The following PRKAR1B variants were observed in gnomAD, a reference collection of about 807,000 sequenced individuals.
PRKAR1B encodes the protein cAMP-dependent protein kinase type I-beta regulatory subunit.
In PRKAR1B, 22 loss-of-function variants were observed where a neutral mutation model predicts 46.5. The observed-to-expected ratio is 0.47, with a 90% CI of 0.34 to 0.68. PRKAR1B has a LOEUF of 0.68. Ranked by LOEUF, PRKAR1B falls within the 30% of genes least tolerant of loss-of-function variation. PRKAR1B has a pLI of 0.01. For synonymous variants in PRKAR1B, 259 were observed against 217.7 expected, an observed-to-expected ratio of 1.19 and a Z score of -1.67; for missense variants, 445 against 535.6, an observed-to-expected ratio of 0.83 and a Z score of 1.67.
At chr7:557,940 T>C (rs1778546539) in intron 9 of PRKAR1B, among the ~76,000 whole-genome samples, 1 of 152,134 alleles carries the variant, frequency 6.6e-6, no homozygotes, top group African/African-American at 2.4e-5. Flanking sequence ...CCGCAGAACG[T>C]CCTGCCCTGG....
intron 4 of PRKAR1B, among the ~76,000 whole-genome samples, chr7:651,717 G>T (rs1401748016): frequency 2.4e-5 from 3 of 123,938 alleles, no homozygotes; most frequent in South Asian, 2.8e-4. Flanking sequence ...AACCCCTCTC[G>T]GAAGACAGTT....
At chr7:708,774 A>T (rs1351149132) in intron 2 of PRKAR1B, among the ~76,000 whole-genome samples, 1 of 148,410 alleles carries the variant, frequency 6.7e-6, no homozygotes, top group Non-Finnish European at 1.5e-5. Flanking sequence ...GGCATGAGTC[A>T]CTGTGCCCGG....
intron 2 of PRKAR1B, chr7:691,801 G>A (rs753360179): frequency 2.1e-5 from 25 of 1,188,792 alleles, no homozygotes; most frequent in South Asian, 4.6e-5. Context: ...TGCGGAGGAC[G>A]GCGCATCCCC....
intron 1 of PRKAR1B, among the ~76,000 whole-genome samples, chr7:724,044 C>T (rs1781165784): frequency 6.6e-6 from 1 of 152,156 alleles, no homozygotes; most frequent in African/African-American, 2.4e-5. Context: ...CCTCATCTCA[C>T]CTCAATCACG....
chr7:594,814 G>C (rs1329230102), intron 7 of PRKAR1B, among the ~76,000 whole-genome samples: 1 of 151,944 alleles, frequency 6.6e-6, no homozygotes, highest in Admixed American at 6.6e-5. Flanking sequence ...CCAAGACCAT[G>C]AGGGGATCCC....
intron 7 of PRKAR1B, among the ~76,000 whole-genome samples, chr7:591,884 G>A (rs544633709): frequency 6.6e-6 from 1 of 152,258 alleles, no homozygotes; most frequent in South Asian, 2.1e-4. Context: ...CACCCCCAAA[G>A]TCGTGAGGTG....
intron 9 of PRKAR1B, among the ~76,000 whole-genome samples, chr7:578,405 A>G (rs1490432487): frequency 6.6e-6 from 1 of 152,210 alleles, no homozygotes; most frequent in Non-Finnish European, 1.5e-5. Flanking sequence ...AATGACTCAC[A>G]CACACATCCA....
intron 2 of PRKAR1B, among the ~76,000 whole-genome samples, chr7:684,319 T>C (rs1030383375): frequency 6.6e-6 from 1 of 152,226 alleles, no homozygotes; most frequent in Non-Finnish European, 1.5e-5. Context: ...TATGCGATCA[T>C]TTAAATATAT....
chr7:694,309 C>G (rs879611120), intron 2 of PRKAR1B, among the ~76,000 whole-genome samples: 1 of 151,922 alleles, frequency 6.6e-6, no homozygotes, highest in South Asian at 2.1e-4. Flanking sequence ...ACAGTGAGAC[C>G]CGGACTTGGG....
At chr7:604,167 T>G (rs990574642) in intron 6 of PRKAR1B, among the ~76,000 whole-genome samples, 1 of 152,312 alleles carries the variant, frequency 6.6e-6, no homozygotes, top group South Asian at 2.1e-4. Flanking sequence ...CGGGGCCACC[T>G]CCTGGGACGG....
At chr7:645,263 G>C (rs1270616795) in intron 4 of PRKAR1B, among the ~76,000 whole-genome samples, 1 of 152,174 alleles carries the variant, frequency 6.6e-6, no homozygotes, top group Non-Finnish European at 1.5e-5. Context: ...GCGGCAGGAG[G>C]GATCCAGGTA....
intron 2 of PRKAR1B, among the ~76,000 whole-genome samples, chr7:705,764 C>T (rs1426352088): frequency 6.6e-6 from 1 of 152,148 alleles, no homozygotes; most frequent in East Asian, 1.9e-4. Flanking sequence ...CTGTGGCTCA[C>T]GTCTCTAATC....
At chr7:693,079 C>T (rs909409459) in intron 2 of PRKAR1B, among the ~76,000 whole-genome samples, 12 of 151,802 alleles carry the variant, frequency 7.9e-5, no homozygotes, top group Non-Finnish European at 1.3e-4. Flanking sequence ...GGACCACAGG[C>T]GCCCACCACC....
rs952581517 is a variant in PRKAR1B, at chr7:551,438, G to A, written c.924C>T (p.Pro308=). ...GCCCCACCTCCACGTACTCCTCATT[G>A]GGGGACCGGCGCTGCAGCACGGACG... ...GTASVLQRRS[P]NEEYVEVGRL... is the part of the protein sequence containing the mutation. Residue 308 remains proline (P), a synonymous_variant, in exon 10 of 11, where the codon CCC becomes CCT. Transcript: ENST00000537384. 1 of 1,560,194 alleles carries A rather than the reference G, an allele frequency of 6.4e-7. No individual in the cohort carries two copies. The highest frequency in any genetic ancestry group is 8.7e-7 in the Non-Finnish European group (1 of 1,151,866).
chr7:550,098 C>G lies in PRKAR1B; in HGVS notation c.*332G>C, dbSNP rs574771485. 1.2e-5 allele frequency: 4 copies of G among 333,532 alleles called. No individual in the cohort carries two copies. Among genetic ancestry groups the G allele is most frequent in the Admixed American group, 4.6e-5 (1 of 21,836 alleles). 20.7% of individuals were successfully genotyped at this position (333,532 alleles called of 1,614,324 possible). Reference sequence around the variant, plus strand: ...GTCCTGGCCTGGTTCTGGGGAGGACCGATCCTCAAGCATCTCCAGGAGACT... The same window carrying G: ...GTCCTGGCCTGGTTCTGGGGAGGACGGATCCTCAAGCATCTCCAGGAGACT... On this transcript the variant is annotated 3_prime_UTR_variant, in exon 11 of 11. Coordinates refer to ENST00000537384, the MANE Select transcript of PRKAR1B (RefSeq NM_001164760.2).
rs1198245249 is a variant in PRKAR1B at position 644,766 on chromosome 7, A to C, written c.440+32463T>G. Among the ~76,000 whole-genome samples, 1 of 151,384 alleles carries C rather than the reference A, an allele frequency of 6.6e-6. No homozygotes were observed. The highest frequency in any genetic ancestry group is 6.6e-5 in the Admixed American group (1 of 15,192). ...CCCAGAGGGCAGGCACCAGGGCCAG[A>C]CCCTTCCCCCAGACACCTCCCATAG... On this transcript the variant is annotated intron_variant, in intron 4 of 10. Transcript: ENST00000537384. The surrounding 1 kb of genome is among the most constrained non-coding windows in gnomAD (Gnocchi z 4.9).
chr7:595,328 C>T (rs1375914787), intron 7 of PRKAR1B, among the ~76,000 whole-genome samples: 1 of 146,294 alleles, frequency 6.8e-6, no homozygotes. Flanking sequence ...GAACAGCAGT[C>T]CCCCCCGCCC....
chr7:588,471 GTGA>G (rs1388554368), intron 7 of PRKAR1B, among the ~76,000 whole-genome samples: 7 of 151,686 alleles, frequency 4.6e-5, no homozygotes, highest in African/African-American at 7.3e-5. Context: ...GGTGGTGATG[GTGA>G]TGGTGGTGAT....
intron 2 of PRKAR1B, among the ~76,000 whole-genome samples, chr7:705,962 G>A (rs1034204526): frequency 6.6e-6 from 1 of 151,818 alleles, no homozygotes; most frequent in Admixed American, 6.6e-5. Context: ...GGAGGCAGAG[G>A]TTGCAGTGAG....
Sources: gnomAD v4.1 joint callset for allele counts (sites outside exome capture counted in the v4.1 genomes callset) on GRCh38, gnomAD v4.1.1 for gene constraint, Gnocchi (gnomAD v3.1) non-coding constraint, MANE v1.5 for transcripts, NCBI Gene and HGNC (gene_info 2026-07-23, HGNC 2026-07-21) for gene names.